The following CD44 variants were observed in gnomAD, a reference collection of about 807,000 sequenced individuals.
The protein encoded by CD44 is CD44 antigen.
A neutral mutation model predicts 88.8 loss-of-function variants in CD44; 49 were observed. The ratio of observed to expected loss-of-function variants is 0.55; its 90% CI spans 0.44 to 0.70. The LOEUF is 0.70. Among genes scored for constraint, CD44 ranks in the 30% least tolerant of loss-of-function variants. The pLI, the probability that CD44 is intolerant of heterozygous loss-of-function variation, is 0.00. For synonymous variants in CD44, 325 were observed against 312.3 expected (o/e 1.04, Z -0.43); for missense variants, 883 against 913.8 (o/e 0.97, Z 0.43).
chr11:35,201,909 T>A, intron 9 of CD44, 122 bp downstream of exon 9: 1 of 1,050,686 alleles, frequency 9.5e-7, no homozygotes, highest in South Asian at 1.6e-5. Flanking sequence ...ATTTCTTTTA[T>A]TCTTAGAGCC....
chr11:35,196,686 C>T (rs1946788056), intron 5 of CD44, 60 bp from the exon 6 acceptor site: 5 of 1,549,710 alleles, frequency 3.2e-6, no homozygotes, highest in South Asian at 1.1e-5. Context: ...ATATTCAATG[C>T]TATTTCTTAG....
chr11:35,183,955 G>A (rs1227310707), intron 3 of CD44, among the ~76,000 whole-genome samples: 2 of 152,120 alleles, frequency 1.3e-5, no homozygotes, highest in Non-Finnish European at 2.9e-5. Flanking sequence ...TTTCTATCTG[G>A]CAACCAGAGA....
chr11:35,176,776 G>C, intron 2 of CD44, 36 bp downstream of exon 2: 2 of 1,600,238 alleles, frequency 1.2e-6, no homozygotes, highest in East Asian at 2.2e-5. Flanking sequence ...GGGAAAGCTG[G>C]CGGCCTGGGA....
At chr11:35,154,591 A>C (rs976899069) in intron 1 of CD44, among the ~76,000 whole-genome samples, 1 of 152,226 alleles carries the variant, frequency 6.6e-6, no homozygotes, top group Non-Finnish European at 1.5e-5. Context: ...TGTCTTGTAA[A>C]TGAGAATAAA....
intron 1 of CD44, among the ~76,000 whole-genome samples, chr11:35,174,686 A>G (rs1057192318): frequency 1.3e-5 from 2 of 152,188 alleles, no homozygotes; most frequent in African/African-American, 2.4e-5. Context: ...TCTTTACCCA[A>G]CTGATAGCAG....
chr11:35,181,269 T>C (rs995506734), intron 3 of CD44, among the ~76,000 whole-genome samples: 1 of 152,138 alleles, frequency 6.6e-6, no homozygotes, highest in Non-Finnish European at 1.5e-5. Flanking sequence ...GAAACCTAAG[T>C]TAAGATGTAG....
chr11:35,179,606 A>C (rs1223245777), intron 2 of CD44, among the ~76,000 whole-genome samples: 1 of 152,078 alleles, frequency 6.6e-6, no homozygotes, highest in Non-Finnish European at 1.5e-5. Flanking sequence ...TGCTTACTTA[A>C]TTGCTATGAC....
chr11:35,201,817 G>A (rs1467354016), intron 9 of CD44, 30 bp downstream of exon 9: 3 of 1,610,006 alleles, frequency 1.9e-6, no homozygotes, highest in African/African-American at 2.7e-5. Context: ...GCAGTTCTGG[G>A]TTAGATGAAT....
chr11:35,186,996 G>C, intron 4 of CD44, 96 bp downstream of exon 4: 1 of 788,358 alleles, frequency 1.3e-6, no homozygotes, highest in South Asian at 1.4e-5. Flanking sequence ...TATTAGGCCA[G>C]GTGTGGTGGC....
chr11:35,143,936 A>G (rs1322477926), intron 1 of CD44, among the ~76,000 whole-genome samples: 4 of 152,222 alleles, frequency 2.6e-5, no homozygotes, highest in African/African-American at 9.6e-5. Context: ...AAGCAGCATT[A>G]CAGGAGCTCT....
chr11:35,168,374 T>A (rs892595028), intron 1 of CD44, among the ~76,000 whole-genome samples: 5 of 152,314 alleles, frequency 3.3e-5, no homozygotes, highest in Middle Eastern at 3.4e-3. Context: ...TCTCAATGAA[T>A]CAGTTACCTC....
intron 5 of CD44, 147 bp from the exon 6 acceptor site, chr11:35,196,599 T>C (rs1182496002): frequency 1.2e-6 from 1 of 828,736 alleles, no homozygotes; most frequent in African/African-American, 1.7e-5. Context: ...AAAATGGAAC[T>C]TTTTTGCTTT....
Position 35,229,701 on chromosome 11 carries a change from G to T in CD44, c.*368G>T. 1 of 210,456 alleles carries T rather than the reference G, an allele frequency of 4.8e-6. No individual in the cohort carries two copies. The highest frequency in any genetic ancestry group is 9.7e-6 in the Non-Finnish European group (1 of 102,770). 13.0% of individuals were successfully genotyped at this position (210,456 alleles called of 1,614,324 possible). A position where few individuals can be genotyped will look rare whatever the true frequency, so the allele number is the denominator to read the frequency against. On this transcript the variant is annotated 3_prime_UTR_variant, in exon 18 of 18. Coordinates refer to ENST00000428726, the MANE Select transcript of CD44 (RefSeq NM_000610.4). ...CTAAGGACATTTCCCAGGGTTAATAGGGCCTGGTCCCTGGGAGGAAATTTG... is the reference window on the plus strand; with the variant it reads ...CTAAGGACATTTCCCAGGGTTAATATGGCCTGGTCCCTGGGAGGAAATTTG...
At chr11:35,151,069 C>A (rs529093592) in intron 1 of CD44, among the ~76,000 whole-genome samples, 1 of 152,176 alleles carries the variant, frequency 6.6e-6, no homozygotes, top group South Asian at 2.1e-4. Context: ...CATGTGAAGG[C>A]TTCAAGGAAT....
At chr11:35,178,080 A>G (rs1944642338) in intron 2 of CD44, among the ~76,000 whole-genome samples, 1 of 152,236 alleles carries the variant, frequency 6.6e-6, no homozygotes, top group African/African-American at 2.4e-5. Context: ...TGGCTACTGA[A>G]CTTGCACTGT....
intron 3 of CD44, among the ~76,000 whole-genome samples, chr11:35,183,157 A>G (rs966271430): frequency 6.6e-6 from 1 of 152,066 alleles, no homozygotes; most frequent in Non-Finnish European, 1.5e-5. Context: ...CCTTTTGTCT[A>G]TTTTCCAAAT....
chr11:35,193,657 T>G (rs1184384057), intron 5 of CD44, among the ~76,000 whole-genome samples: 1 of 152,220 alleles, frequency 6.6e-6, no homozygotes, highest in Non-Finnish European at 1.5e-5. Flanking sequence ...CCATTCCATT[T>G]CAATAAGAAA....
intron 1 of CD44, among the ~76,000 whole-genome samples, chr11:35,141,473 G>A (rs2132950354): frequency 6.6e-6 from 1 of 152,222 alleles, no homozygotes; most frequent in Admixed American, 6.5e-5. Flanking sequence ...CCTGAAAGAA[G>A]AGGGCCCTGG....
intron 1 of CD44, among the ~76,000 whole-genome samples, chr11:35,145,809 G>T (rs957140729): frequency 7.2e-5 from 11 of 152,150 alleles, no homozygotes; most frequent in African/African-American, 2.4e-4. Context: ...TGCCTTCTCT[G>T]TCGGTCTCTT....
Sources: gnomAD v4.1 joint callset for allele counts (sites outside exome capture counted in the v4.1 genomes callset) on GRCh38, gnomAD v4.1.1 for gene constraint, MANE v1.5 for transcripts, NCBI Gene and HGNC (gene_info 2026-07-23, HGNC 2026-07-21) for gene names.